HSPG2: variants seen among roughly 807,000 people sequenced by gnomAD.
HSPG2 encodes basement membrane-specific heparan sulfate proteoglycan core protein.
Under a neutral mutation model 526.6 loss-of-function variants are expected in HSPG2, and 278 were observed. That is an observed-to-expected ratio of 0.53 (90% CI 0.48 to 0.58). The LOEUF (loss-of-function observed/expected upper bound fraction) is 0.58. Ranked by LOEUF, HSPG2 falls within the 20% of genes least tolerant of loss-of-function variation. The probability of loss-of-function intolerance (pLI) is 0.00; values close to 1 mark genes in which losing one functional copy is unlikely to be tolerated. For synonymous variants in HSPG2, 2,465 were observed against 2,555.4 expected, an observed-to-expected ratio of 0.96 and a Z score of 1.07; for missense variants, 5,354 against 6,099.5, an observed-to-expected ratio of 0.88 and a Z score of 4.07.
intron 28 of HSPG2, 79 bp downstream of exon 28, chr1:21,874,327 G>T (rs1247612015): frequency 1.3e-6 from 2 of 1,571,090 alleles, no homozygotes; most frequent in East Asian, 2.3e-5. Context: ...CCTCTCAGAA[G>T]GGCCCTGGAT....
intron 77 of HSPG2, 119 bp downstream of exon 77, chr1:21,834,560 A>T: frequency 8.0e-7 from 1 of 1,252,304 alleles, no homozygotes; most frequent in Non-Finnish European, 1.1e-6. Context: ...AAACACACAC[A>T]ATGGAAAATG....
At chr1:21,878,098 T>TA in intron 21 of HSPG2, 88 bp downstream of exon 21, 1 of 1,235,306 alleles carries the variant, frequency 8.1e-7, no homozygotes, top group Non-Finnish European at 1.2e-6. Context: ...GCCAAGGATC[T>TA]ATGGAGAGGA....
chr1:21,872,809 T>C lies in HSPG2; in HGVS notation c.3889-49A>G. 6.3e-7 allele frequency: 1 copy of C among 1,593,600 alleles called. No individual in the cohort carries two copies. The highest frequency in any genetic ancestry group is 8.5e-7 in the Non-Finnish European group (1 of 1,170,734). On this transcript the variant is annotated intron_variant, in intron 31 of 96. Transcript: ENST00000374695. This position sits in a 1 kb window ranked among gnomAD's most constrained non-coding sequence, Gnocchi z 5.5. ...CAGGCAGGGGACTCAGTGGGTCTCC[T>C]GCACCCCCAGCAGCCTGAGGCCAGC...
Position 21,890,390 on chromosome 1 carries a change from C to G in HSPG2, c.413+37G>C, listed in dbSNP as rs768893803. The G allele has an allele frequency of 6.2e-7, 1 of 1,603,724 alleles. No individual in the cohort carries two copies. The highest frequency in any genetic ancestry group is 8.5e-7 in the Non-Finnish European group (1 of 1,170,784). On this transcript the variant is annotated intron_variant, in intron 5 of 96. Transcript: ENST00000374695. This position sits in a 1 kb window ranked among gnomAD's most constrained non-coding sequence, Gnocchi z 4.1. Reference sequence around the variant, plus strand: ...ATCAGCCCCCTCCAGGTTACCCGCTCAAGTCCCCCAGCAGCCCCCAGGGAG... The same window carrying G: ...ATCAGCCCCCTCCAGGTTACCCGCTGAAGTCCCCCAGCAGCCCCCAGGGAG...
Position 21,841,548 on chromosome 1 carries a change from T to C in HSPG2, c.9319A>G (p.Ser3107Gly). The change falls in exon 70 of 97, where the codon AGT becomes GGT. Residue 3107 changes from serine to glycine, a missense_variant. Ser to Gly is a moderately conservative substitution (Grantham distance 56). Coordinates refer to ENST00000374695, the MANE Select transcript of HSPG2 (RefSeq NM_005529.7). ...YGVAQSVVNL[S>G]VHGPPTVSVL... ...GTCAACGTCCCCTCACCGTGCACAC[T>C]GAGGTTCACCACACTCTGGGCCACA... 3 of 1,614,198 alleles carry C rather than the reference T, an allele frequency of 1.9e-6. No homozygotes were observed. The highest frequency in any genetic ancestry group is 2.5e-6 in the Non-Finnish European group (3 of 1,180,022).
At chr1:21,851,371 T>A in intron 55 of HSPG2, 175 bp downstream of exon 55, 2 of 839,612 alleles carry the variant, frequency 2.4e-6, no homozygotes, top group Non-Finnish European at 3.7e-6. Context: ...GGAGCCAGAA[T>A]TCACACCCAG....
chr1:21,828,128 T>G lies in HSPG2; in HGVS notation c.12434A>C (p.Asn4145Thr), dbSNP rs1572142357. 1 of 1,612,144 alleles carries G rather than the reference T, an allele frequency of 6.2e-7. No homozygotes were observed. Among genetic ancestry groups the G allele is most frequent in the Non-Finnish European group, 8.5e-7 (1 of 1,179,708 alleles). ...ACAGGGTTCACGGAGCTGGCAGGGGTTCTCCTCGTGCTCACACAGGTCTCC... is the reference window on the plus strand; with the variant it reads ...ACAGGGTTCACGGAGCTGGCAGGGGGTCTCCTCGTGCTCACACAGGTCTCC... ...FKGDLCEHEE[N>T]PCQLREPCLH... Residue 4145 changes from asparagine to threonine, a missense_variant, in exon 90 of 97, where the codon AAC becomes ACC. By Grantham distance (65) the Asn-to-Thr change is moderately conservative. Coordinates refer to ENST00000374695, the MANE Select transcript of HSPG2 (RefSeq NM_005529.7). This position sits in a 1 kb window ranked among gnomAD's most constrained non-coding sequence, Gnocchi z 6.0.
Position 21,857,067 on chromosome 1 carries a change from G to T in HSPG2, c.5523C>A (p.Thr1841=). Residue 1841 remains threonine (T), a synonymous_variant, in exon 44 of 97, where the codon ACC becomes ACA. Transcript: ENST00000374695. ...GGTCCATGGCAAACATGTTGGAGCC[G>T]GTGCACACGTAGGTGCCTGCATCAC... ...QLSDAGTYVC[T]GSNMFAMDQG... 6.2e-7 allele frequency: 1 copy of T among 1,614,136 alleles called. No individual in the cohort carries two copies. Among genetic ancestry groups the T allele is most frequent in the Non-Finnish European group, 8.5e-7 (1 of 1,180,028 alleles).
intron 1 of HSPG2, among the ~76,000 whole-genome samples, chr1:21,901,833 G>A (rs1043735830): frequency 1.2e-4 from 19 of 152,090 alleles, no homozygotes; most frequent in African/African-American, 4.1e-4. Context: ...TCCCTGCCAC[G>A]GTCACCACAG....
intron 1 of HSPG2, among the ~76,000 whole-genome samples, chr1:21,930,242 C>T (rs1191105983): frequency 2.6e-5 from 4 of 152,218 alleles, no homozygotes; most frequent in Non-Finnish European, 5.9e-5. Context: ...GAGGCTCACC[C>T]GCTCACTTAC....
chr1:21,922,171 C>T (rs537629798), intron 1 of HSPG2, among the ~76,000 whole-genome samples: 33 of 152,326 alleles, frequency 2.2e-4, no homozygotes, highest in African/African-American at 5.3e-4. Context: ...GATCTCTAAT[C>T]TTCACCAAAA....
rs778652734 is a variant in HSPG2, at chr1:21,853,031, G to A, written c.6479C>T (p.Ser2160Phe). The change falls in exon 51 of 97, where the codon TCC (serine) becomes TTC (phenylalanine). Residue 2160 changes from serine (S) to phenylalanine (F), a missense_variant. By Grantham distance (155) the Ser-to-Phe change is radical. Transcript: ENST00000374695. ...GGTCTGCCCTTCCGCCACGTGTGAG[G>A]AGGAGGGCTCGATGCGGATGGGCCG... The part of the protein sequence containing the change: ...STRPIRIEPS[S>F]SHVAEGQTLD... 7 of 1,613,936 alleles carry A rather than the reference G, an allele frequency of 4.3e-6. No homozygotes were observed. In the African/African-American group the frequency reaches 5.3e-5, roughly 12 times the overall value.
In HSPG2 at chr1:21,831,472, C is replaced by G. The variant is rs750920048; in HGVS notation, c.11443G>C (p.Gly3815Arg). The change falls in exon 83 of 97, where the codon GGC becomes CGC. Residue 3815 changes from glycine (G) to arginine (R), a missense_variant. By Grantham distance (125) the Gly-to-Arg change is moderately radical. Coordinates refer to ENST00000374695, the MANE Select transcript of HSPG2 (RefSeq NM_005529.7). ...TGGGGAGGGGGCTCACCTATGAAGCCGCTGCTCAGCCCCGCCTTGGGGATG... is the reference window on the plus strand; with the variant it reads ...TGGGGAGGGGGCTCACCTATGAAGCGGCTGCTCAGCCCCGCCTTGGGGATG... ...GAIPKAGLSS[G>R]FIGCVRELRI... is the part of the protein sequence containing the mutation. The G allele has an allele frequency of 1.2e-6, 2 of 1,613,950 alleles. No individual in the cohort carries two copies. Among genetic ancestry groups the G allele is most frequent in the Non-Finnish European group, 1.7e-6 (2 of 1,179,882 alleles).
chr1:21,932,681 T>C (rs531113327), intron 1 of HSPG2, among the ~76,000 whole-genome samples: 9 of 151,620 alleles, frequency 5.9e-5, no homozygotes, highest in African/African-American at 1.7e-4. Flanking sequence ...AGGGAGAGGG[T>C]CATATGGATA....
chr1:21,907,645 G>A (rs1643448127), intron 1 of HSPG2, among the ~76,000 whole-genome samples: 1 of 152,120 alleles, frequency 6.6e-6, no homozygotes, highest in African/African-American at 2.4e-5. Flanking sequence ...AGCCTTCCAA[G>A]TAGCTGGGAG....
intron 18 of HSPG2, 74 bp downstream of exon 18, chr1:21,878,920 C>T: frequency 1.3e-6 from 2 of 1,549,116 alleles, no homozygotes; most frequent in Non-Finnish European, 1.8e-6. Flanking sequence ...TCTCCTGCCT[C>T]CCTGCCCAGA....
rs1422841287 is a variant in HSPG2 at position 21,852,103 on chromosome 1, G to A, written c.6855C>T (p.Leu2285=). 2 of 1,613,628 alleles carry A rather than the reference G, an allele frequency of 1.2e-6. No individual in the cohort carries two copies. Among genetic ancestry groups the A allele is most frequent in the South Asian group, 1.1e-5 (1 of 91,072 alleles). ...TGCCCTGTACCTGGTGCCGGGCAGG[G>A]AGGCTGCCCCCACGCTTGTACCATG... ...QVTWYKRGGS[L]PARHQVRGSR... Residue 2285 remains leucine (L), a synonymous_variant, in exon 53 of 97, where the codon CTC becomes CTT. Coordinates refer to ENST00000374695, the MANE Select transcript of HSPG2 (RefSeq NM_005529.7).
At chr1:21,827,963 T>C (rs751445175) in intron 90 of HSPG2, 44 bp from the exon 91 acceptor site, 47 of 1,610,168 alleles carry the variant, frequency 2.9e-5, no homozygotes, top group Non-Finnish European at 3.8e-5. Context: ...TAGACACCCG[T>C]GGGTACTATG....
Position 21,841,869 on chromosome 1 carries a change from C to T in HSPG2, c.9193+133G>A, listed in dbSNP as rs141481606. On this transcript the variant is annotated intron_variant, in intron 69 of 96. Coordinates refer to ENST00000374695, the MANE Select transcript of HSPG2 (RefSeq NM_005529.7). ...GTCCAGCGCTCTTGCCATACAGAGA[C>T]GGGAAGGGCCTTACTCAGGGCCACA... 1.3e-4 allele frequency: 173 copies of T among 1,369,224 alleles called. 1 individual carries two copies. Among genetic ancestry groups the T allele is most frequent in the Middle Eastern group, 1.0e-3 (4 of 3,984 alleles). The allele number at this position is 1,369,224 out of a possible 1,614,324, so 84.8% of individuals were successfully genotyped here. A position where few individuals can be genotyped will look rare whatever the true frequency, so the allele number is the denominator to read the frequency against.
Sources: gnomAD v4.1 joint callset for allele counts (sites outside exome capture counted in the v4.1 genomes callset) on GRCh38, gnomAD v4.1.1 for gene constraint, Gnocchi (gnomAD v3.1) non-coding constraint, MANE v1.5 for transcripts, NCBI Gene and HGNC (gene_info 2026-07-23, HGNC 2026-07-21) for gene names.